FAF1: variants seen among roughly 807,000 people sequenced by gnomAD.
FAF1 encodes Fas associated factor 1, also known as FAS-associated factor 1.
In FAF1, 25 loss-of-function variants were observed where a neutral mutation model predicts 92.5. The ratio of observed to expected loss-of-function variants is 0.27; its 90% CI spans 0.20 to 0.38. FAF1 has a LOEUF of 0.38. Among genes scored for constraint, FAF1 ranks in the 10% least tolerant of loss-of-function variants. The pLI, the probability that FAF1 is intolerant of heterozygous loss-of-function variation, is 1.00. For synonymous variants in FAF1, 234 were observed against 273.2 expected (o/e 0.86, Z 1.42); for missense variants, 636 against 793.3 (o/e 0.80, Z 2.38).
intron 13 of FAF1, among the ~76,000 whole-genome samples, chr1:50,561,899 T>A (rs185679532): frequency 8.8e-6 from 1 of 113,816 alleles, no homozygotes; most frequent in African/African-American, 3.2e-5. Context: ...GGAAGGAAGT[T>A]GTGTAAACCA....
chr1:50,760,600 C>T (rs1660285673), intron 4 of FAF1, among the ~76,000 whole-genome samples: 1 of 152,008 alleles, frequency 6.6e-6, no homozygotes, highest in African/African-American at 2.4e-5. Flanking sequence ...GGGTACCTAA[C>T]GAAATGAAGG....
At chr1:50,958,938 C>G (rs148314761) in intron 1 of FAF1, among the ~76,000 whole-genome samples, 43 of 152,328 alleles carry the variant, frequency 2.8e-4, no homozygotes, top group African/African-American at 1.0e-3. Context: ...GTAGCACTCA[C>G]AGGATATTAG....
Position 50,723,538 on chromosome 1 carries a change from G to C in FAF1, c.551+15325C>G, listed in dbSNP as rs140586796. 9.9e-5 allele frequency among the ~76,000 whole-genome samples: 15 copies of C among 152,250 alleles called. No individual in the cohort carries two copies. In the East Asian group the frequency reaches 2.9e-3, roughly 29 times the overall value. ...TGGTTGGGATAACAGGGAGAGAGGAGAGTAGAGTGGCTAGAATGGCCTCAG... is the reference window on the plus strand; with the variant it reads ...TGGTTGGGATAACAGGGAGAGAGGACAGTAGAGTGGCTAGAATGGCCTCAG... On this transcript the variant is annotated intron_variant, in intron 6 of 18. Coordinates refer to ENST00000396153, the MANE Select transcript of FAF1 (RefSeq NM_007051.3).
At chr1:50,775,083 T>C (rs1006345125) in intron 4 of FAF1, among the ~76,000 whole-genome samples, 3 of 152,152 alleles carry the variant, frequency 2.0e-5, no homozygotes, top group Admixed American at 1.3e-4. Context: ...TTGTATTATT[T>C]ATATGTATAC....
chr1:50,915,175 A>G (rs1644910847), intron 1 of FAF1, among the ~76,000 whole-genome samples: 1 of 152,176 alleles, frequency 6.6e-6, no homozygotes, highest in Non-Finnish European at 1.5e-5. Context: ...GTTTGAGACC[A>G]GCTTGATCAA....
intron 2 of FAF1, among the ~76,000 whole-genome samples, chr1:50,847,611 T>C (rs1644313237): frequency 6.6e-6 from 1 of 151,912 alleles, no homozygotes; most frequent in African/African-American, 2.4e-5. Flanking sequence ...AAACAAACTA[T>C]TTAATATATG....
intron 9 of FAF1, among the ~76,000 whole-genome samples, chr1:50,592,905 T>C (rs1651590107): frequency 6.6e-6 from 1 of 151,254 alleles, no homozygotes; most frequent in East Asian, 1.9e-4. Context: ...GCCACTGTAC[T>C]TCAGCCTGGG....
chr1:50,604,535 T>G (rs1652287932), intron 8 of FAF1, among the ~76,000 whole-genome samples: 3 of 152,290 alleles, frequency 2.0e-5, no homozygotes, highest in Non-Finnish European at 1.5e-5. Context: ...TTTGAGACAG[T>G]CTTGCTTTGT....
At chr1:50,734,256 TTTC>T (rs1659047103) in intron 6 of FAF1, among the ~76,000 whole-genome samples, 2 of 152,334 alleles carry the variant, frequency 1.3e-5, no homozygotes, top group South Asian at 4.1e-4. Context: ...ACAGTAATCA[TTTC>T]TTCATTTCTT....
intron 7 of FAF1, among the ~76,000 whole-genome samples, chr1:50,672,448 A>T (rs980788111): frequency 5.9e-5 from 9 of 151,362 alleles, no homozygotes; most frequent in Non-Finnish European, 8.8e-5. Context: ...TAATTTTTGT[A>T]TTTTTTTTGT....
intron 18 of FAF1, among the ~76,000 whole-genome samples, chr1:50,464,806 T>C (rs569721734): frequency 6.6e-6 from 1 of 152,278 alleles, no homozygotes; most frequent in African/African-American, 2.4e-5. Context: ...GTAGCTGAAA[T>C]ACAGAAAAGA....
intron 8 of FAF1, among the ~76,000 whole-genome samples, chr1:50,604,887 A>G (rs1652305358): frequency 6.6e-6 from 1 of 152,136 alleles, no homozygotes; most frequent in Admixed American, 6.6e-5. Flanking sequence ...TCTTGATTTA[A>G]TTATCTCATA....
chr1:50,921,169 G>A (rs1228813932), intron 1 of FAF1, among the ~76,000 whole-genome samples: 1 of 152,158 alleles, frequency 6.6e-6, no homozygotes, highest in African/African-American at 2.4e-5. Flanking sequence ...CCTTAGGTTG[G>A]CCCACCCTGC....
chr1:50,644,744 T>A (rs1449017379), intron 8 of FAF1, among the ~76,000 whole-genome samples: 1 of 152,252 alleles, frequency 6.6e-6, no homozygotes, highest in Non-Finnish European at 1.5e-5. Context: ...TATTTTATCC[T>A]GTCTTGCAGT....
chr1:50,461,952 C>A (rs751438539), intron 18 of FAF1, among the ~76,000 whole-genome samples: 3 of 147,628 alleles, frequency 2.0e-5, no homozygotes, highest in Non-Finnish European at 4.5e-5. Context: ...CCATTACCAT[C>A]ACACCAGCTA....
chr1:50,928,389 C>T (rs1050903824), intron 1 of FAF1, among the ~76,000 whole-genome samples: 1 of 152,178 alleles, frequency 6.6e-6, no homozygotes, highest in South Asian at 2.1e-4. Context: ...TTCTACATGT[C>T]AAAGCATTTC....
chr1:50,879,676 G>T (rs778697902), intron 1 of FAF1, among the ~76,000 whole-genome samples: 1 of 152,140 alleles, frequency 6.6e-6, no homozygotes, highest in Non-Finnish European at 1.5e-5. Flanking sequence ...CAAATTTGTG[G>T]TTCTCAAAGT....
chr1:50,875,163 C>T (rs1644560338), intron 1 of FAF1, among the ~76,000 whole-genome samples: 1 of 151,928 alleles, frequency 6.6e-6, no homozygotes, highest in East Asian at 1.9e-4. Context: ...TGTTTTGTTA[C>T]AAAAGTAATG....
At position 50,801,690 on chromosome 1, in the gene FAF1, A is replaced by G; in HGVS notation, c.115-13T>C. ...CATTGATAGCTGCCTGCAAACAAGA[A>G]ACAGAGAAGGCCATTTAAAGAAACA... On this transcript the variant is annotated splice_polypyrimidine_tract_variant and intron_variant, in intron 2 of 18. Transcript: ENST00000396153. The G allele has an allele frequency of 6.4e-7, 1 of 1,560,730 alleles. No homozygotes were observed. Among genetic ancestry groups the G allele is most frequent in the African/African-American group, 1.4e-5 (1 of 74,040 alleles).
Sources: gnomAD v4.1 joint callset for allele counts (sites outside exome capture counted in the v4.1 genomes callset) on GRCh38, gnomAD v4.1.1 for gene constraint, MANE v1.5 for transcripts, NCBI Gene and HGNC (gene_info 2026-07-23, HGNC 2026-07-21) for gene names.